Variants in MAST4 observed in about 807,000 individuals in gnomAD.
MAST4 encodes the protein microtubule-associated serine/threonine-protein kinase 4.
In MAST4, 89 loss-of-function variants were observed where a neutral mutation model predicts 162.7. The ratio of observed to expected loss-of-function variants is 0.55; its 90% CI spans 0.46 to 0.65. The LOEUF is 0.65. Among genes scored for constraint, MAST4 ranks in the 30% least tolerant of loss-of-function variants. The pLI, the probability that MAST4 is intolerant of heterozygous loss-of-function variation, is 0.00. For synonymous variants in MAST4, 1,479 were observed against 1,361.1 expected, an observed-to-expected ratio of 1.09 and a Z score of -1.91; for missense variants, 3,153 against 3,374.0, an observed-to-expected ratio of 0.93 and a Z score of 1.62.
intron 4 of MAST4, among the ~76,000 whole-genome samples, chr5:66,955,922 G>A (rs550913293): frequency 2.0e-3 from 299 of 151,964 alleles, no homozygotes; most frequent in African/African-American, 6.9e-3. Context: ...TTTGATATCA[G>A]GACCCATTAA....
intron 4 of MAST4, among the ~76,000 whole-genome samples, chr5:66,972,238 T>C (rs1747527967): frequency 6.6e-6 from 1 of 152,198 alleles, no homozygotes; most frequent in Non-Finnish European, 1.5e-5. Context: ...GATGAGGTAT[T>C]ATGAAACTGG....
At chr5:66,732,761 A>G (rs1751932393) in intron 1 of MAST4, among the ~76,000 whole-genome samples, 1 of 152,074 alleles carries the variant, frequency 6.6e-6, no homozygotes, top group African/African-American at 2.4e-5. Flanking sequence ...GGTCTATTCT[A>G]CCTCATGAGG....
At chr5:66,634,525 G>C (rs1362798679) in intron 1 of MAST4, among the ~76,000 whole-genome samples, 1 of 152,092 alleles carries the variant, frequency 6.6e-6, no homozygotes, top group Non-Finnish European at 1.5e-5. Context: ...ATTCAGTCTT[G>C]TGCTCATCTT....
intron 9 of MAST4, 69 bp from the exon 10 acceptor site, chr5:67,104,286 CTGTAAAAATGT>C: frequency 9.0e-7 from 1 of 1,109,372 alleles, no homozygotes; most frequent in South Asian, 1.3e-5. Flanking sequence ...TCTGAAAATG[CTGTAAAAATGT>C]GATGATTGAA....
rs80300928 is a variant in MAST4 at position 67,097,382 on chromosome 5, G to A, written c.912+1707G>A. ...TTGCTGTTGTTTTTTTCATTGTATG[G>A]GCCAGAAATCTGAGGCACAGAGAGA... On this transcript the variant is annotated intron_variant, in intron 7 of 28. Transcript: ENST00000403625. Among the ~76,000 whole-genome samples the A allele has an allele frequency of 7.8e-3, 1,179 of 151,942 alleles. 20 individuals are homozygous for A. Among genetic ancestry groups the A allele is most frequent in the African/African-American group, 0.027 (1,099 of 41,446 alleles).
intron 4 of MAST4, among the ~76,000 whole-genome samples, chr5:66,919,193 G>A (rs541748148): frequency 6.6e-6 from 1 of 151,004 alleles, no homozygotes; most frequent in East Asian, 1.9e-4. Flanking sequence ...AATTGATATG[G>A]CACTTTCTTG....
At chr5:66,859,401 G>T (rs1266586289) in intron 3 of MAST4, among the ~76,000 whole-genome samples, 1 of 152,048 alleles carries the variant, frequency 6.6e-6, no homozygotes, top group Admixed American at 6.5e-5. Context: ...GTTGGTGTTG[G>T]TATTTTAATT....
chr5:66,698,234 A>C (rs1260475095), intron 1 of MAST4, among the ~76,000 whole-genome samples: 1 of 151,910 alleles, frequency 6.6e-6, no homozygotes, highest in Non-Finnish European at 1.5e-5. Context: ...CCCGCAGCTG[A>C]GTATCTTGGA....
At chr5:66,847,569 A>T (rs941426455) in intron 3 of MAST4, among the ~76,000 whole-genome samples, 1 of 152,126 alleles carries the variant, frequency 6.6e-6, no homozygotes, top group African/African-American at 2.4e-5. Context: ...CAGGAGGCAG[A>T]GGTTGCAGTG....
chr5:66,633,664 A>G (rs1666065864), intron 1 of MAST4, among the ~76,000 whole-genome samples: 1 of 152,220 alleles, frequency 6.6e-6, no homozygotes, highest in Non-Finnish European at 1.5e-5. Flanking sequence ...CAAGAATTCA[A>G]ATACTTTGTC....
At chr5:66,697,055 G>A (rs1209012650) in intron 1 of MAST4, among the ~76,000 whole-genome samples, 1 of 152,214 alleles carries the variant, frequency 6.6e-6, no homozygotes, top group Non-Finnish European at 1.5e-5. Flanking sequence ...TGTGCGATCG[G>A]TGGACAGACT....
chr5:66,978,823 T>G (rs1251177580), intron 4 of MAST4, among the ~76,000 whole-genome samples: 1 of 152,216 alleles, frequency 6.6e-6, no homozygotes, highest in Non-Finnish European at 1.5e-5. Flanking sequence ...TTGCTAGTCT[T>G]GAGCTTTCTT....
At chr5:67,021,433 T>C (rs1224210054) in intron 4 of MAST4, among the ~76,000 whole-genome samples, 1 of 152,188 alleles carries the variant, frequency 6.6e-6, no homozygotes, top group Non-Finnish European at 1.5e-5. Context: ...CTTCAAAAGC[T>C]TCTAAACACA....
rs1347118986 is a variant in MAST4 at position 67,054,472 on chromosome 5, C to A, written c.743C>A (p.Ser248Ter). The A allele has an allele frequency of 2.5e-6, 4 of 1,610,708 alleles. No individual in the cohort carries two copies. The highest frequency in any genetic ancestry group is 3.4e-6 in the Non-Finnish European group (4 of 1,178,558). The change falls in exon 5 of 29, where the codon TCA becomes TAA. Residue 248 changes from serine to a stop codon, truncating the protein, a stop_gained. Transcript: ENST00000403625. LOFTEE classifies it high-confidence loss of function. ...GQSPALPRPH[S>*]PLSAHAGNSP... ...TCACCAGCATTGCCTCGACCACACTCACCTCTCTCTGCTCATGCAGGTAAT... is the reference window on the plus strand; with the variant it reads ...TCACCAGCATTGCCTCGACCACACTAACCTCTCTCTGCTCATGCAGGTAAT...
At chr5:66,953,287 G>T (rs746206901) in intron 4 of MAST4, among the ~76,000 whole-genome samples, 1 of 152,122 alleles carries the variant, frequency 6.6e-6, no homozygotes, top group Non-Finnish European at 1.5e-5. Context: ...TATTGCATTG[G>T]GGAGATCTGT....
intron 2 of MAST4, among the ~76,000 whole-genome samples, chr5:66,765,364 A>G (rs573032853): frequency 1.3e-5 from 2 of 152,304 alleles, no homozygotes; most frequent in African/African-American, 2.4e-5. Context: ...CATGTAACCT[A>G]TGCATATCCT....
intron 4 of MAST4, among the ~76,000 whole-genome samples, chr5:66,907,339 G>A (rs2150001352): frequency 6.7e-6 from 1 of 150,072 alleles, no homozygotes; most frequent in South Asian, 2.1e-4. Flanking sequence ...CAGGGTGCAG[G>A]TGGGCATTAC....
rs1490968591 is a variant in MAST4, at chr5:66,787,735, C to G, written c.518-935C>G. On this transcript the variant is annotated intron_variant, in intron 2 of 28. Transcript: ENST00000403625. ...CCTAAGATGAGATTCTTTGTGTGGT[C>G]TGCTATCTTTTCATTGTCTGTTTTT... Among the ~76,000 whole-genome samples, 6 of 152,140 alleles carry G rather than the reference C, an allele frequency of 3.9e-5. 1 individual carries two copies. The South Asian group carries it at 1.2e-3, about 32-fold the overall frequency.
intron 3 of MAST4, among the ~76,000 whole-genome samples, chr5:66,807,232 C>T (rs1420446550): frequency 6.6e-6 from 1 of 152,064 alleles, no homozygotes; most frequent in Admixed American, 6.5e-5. Context: ...TGCGGTGGCT[C>T]ACGCCTGTAA....
Sources: gnomAD v4.1 joint callset for allele counts (sites outside exome capture counted in the v4.1 genomes callset) on GRCh38, gnomAD v4.1.1 for gene constraint, MANE v1.5 for transcripts, NCBI Gene and HGNC (gene_info 2026-07-23, HGNC 2026-07-21) for gene names.